DCC: variants seen among roughly 807,000 people sequenced by gnomAD.
The protein encoded by DCC is DCC netrin 1 receptor.
Under a neutral mutation model 172.5 loss-of-function variants are expected in DCC, and 58 were observed. The observed-to-expected ratio is 0.34, with a 90% CI of 0.27 to 0.42. The LOEUF (loss-of-function observed/expected upper bound fraction) is 0.42. Ranked by LOEUF, DCC falls within the 10% of genes least tolerant of loss-of-function variation. DCC has a pLI of 1.00. For synonymous variants in DCC, 709 were observed against 644.5 expected, an observed-to-expected ratio of 1.10 and a Z score of -1.52; for missense variants, 1,740 against 1,791.0, an observed-to-expected ratio of 0.97 and a Z score of 0.51.
chr18:52,799,614 CA>C (rs1191366872), intron 2 of DCC, among the ~76,000 whole-genome samples: 2 of 152,080 alleles, frequency 1.3e-5, no homozygotes, highest in African/African-American at 2.4e-5. Flanking sequence ...TTCCACTTTC[CA>C]AATACTTGTA....
chr18:52,924,928 G>A lies in DCC; in HGVS notation c.849-306G>A, dbSNP rs1405908707. Among the ~76,000 whole-genome samples, 4 of 151,990 alleles carry A rather than the reference G, an allele frequency of 2.6e-5. No individual in the cohort carries two copies. In the East Asian group the frequency reaches 7.7e-4, roughly 29 times the overall value. On this transcript the variant is annotated intron_variant, in intron 4 of 28. Transcript: ENST00000442544. ...TCAGAGTACCACTTCTCTAGACCTC[G>A]AGGTTCTCAAATCCAAAATGAGAGA...
At chr18:52,525,124 T>A (rs1219475230) in intron 1 of DCC, among the ~76,000 whole-genome samples, 1 of 152,108 alleles carries the variant, frequency 6.6e-6, no homozygotes, top group African/African-American at 2.4e-5. Context: ...AGGAGGCAAT[T>A]AATCAACATT....
intron 7 of DCC, among the ~76,000 whole-genome samples, chr18:53,110,055 C>A (rs2043307965): frequency 6.6e-6 from 1 of 151,510 alleles, no homozygotes; most frequent in Non-Finnish European, 1.5e-5. Context: ...GAATGAAAAC[C>A]ATTTTTTCTT....
intron 2 of DCC, among the ~76,000 whole-genome samples, chr18:52,844,337 C>CAGACAGAT (rs1555672366): frequency 1.1e-4 from 16 of 151,842 alleles, no homozygotes; most frequent in African/African-American, 2.9e-4. Context: ...GACAGACAGA[C>CAGACAGAT]AGATAGATAG....
intron 12 of DCC, among the ~76,000 whole-genome samples, chr18:53,242,503 A>T (rs1250617541): frequency 6.6e-6 from 1 of 152,222 alleles, no homozygotes; most frequent in African/African-American, 2.4e-5. Flanking sequence ...CAGTGACTAT[A>T]TATTAGATAC....
At chr18:52,840,174 A>G (rs2145315695) in intron 2 of DCC, among the ~76,000 whole-genome samples, 1 of 152,280 alleles carries the variant, frequency 6.6e-6, no homozygotes, top group Middle Eastern at 3.4e-3. Context: ...TATTGGTCAC[A>G]TTTCATTGCC....
At chr18:52,623,210 A>G (rs2034512642) in intron 1 of DCC, among the ~76,000 whole-genome samples, 2 of 152,246 alleles carry the variant, frequency 1.3e-5, no homozygotes, top group Non-Finnish European at 2.9e-5. Context: ...GTTGGACATG[A>G]GGAAGAAATA....
chr18:52,972,477 G>A (rs1004146923), intron 5 of DCC, among the ~76,000 whole-genome samples: 1 of 148,062 alleles, frequency 6.8e-6, no homozygotes, highest in African/African-American at 2.5e-5. Flanking sequence ...ATATTTTTAT[G>A]TTAAGGGAAA....
chr18:53,305,729 C>T lies in DCC; in HGVS notation c.2053+10C>T. 1 of 1,613,504 alleles carries T rather than the reference C, an allele frequency of 6.2e-7. No homozygotes were observed. Among genetic ancestry groups the T allele is most frequent in the Non-Finnish European group, 8.5e-7 (1 of 1,179,492 alleles). On this transcript the variant is annotated intron_variant, in intron 13 of 28. Coordinates refer to ENST00000442544, the MANE Select transcript of DCC (RefSeq NM_005215.4). The stretch of plus-strand genomic sequence containing the variant: ...TGGTACCTATTCACAGGTCAGTGTT[C>T]ACATGGTGTAGTCTTGCAAGGTTTT...
chr18:52,667,173 G>A (rs2035471318), intron 1 of DCC, among the ~76,000 whole-genome samples: 1 of 152,254 alleles, frequency 6.6e-6, no homozygotes, highest in African/African-American at 2.4e-5. Context: ...AGGAAGATTT[G>A]AGAAAGCTCA....
At chr18:52,680,283 C>T (rs1422885170) in intron 1 of DCC, among the ~76,000 whole-genome samples, 2 of 152,034 alleles carry the variant, frequency 1.3e-5, no homozygotes, top group Non-Finnish European at 2.9e-5. Context: ...ACCAACTAGA[C>T]CTGGGGGAAT....
intron 1 of DCC, chr18:52,419,562 C>G (rs912184878): frequency 6.6e-6 from 1 of 152,030 alleles, no homozygotes; most frequent in Admixed American, 6.6e-5. Context: ...GAAACTATAA[C>G]GTTAAAGAAG....
intron 18 of DCC, among the ~76,000 whole-genome samples, chr18:53,402,049 A>G (rs2145035260): frequency 6.6e-6 from 1 of 152,260 alleles, no homozygotes; most frequent in South Asian, 2.1e-4. Flanking sequence ...GATGCCTAAT[A>G]TGTCACCTAG....
chr18:52,585,216 G>C (rs1372740092), intron 1 of DCC, among the ~76,000 whole-genome samples: 1 of 152,162 alleles, frequency 6.6e-6, no homozygotes, highest in Non-Finnish European at 1.5e-5. Flanking sequence ...GTTTTCTTTG[G>C]GAAGACAGTC....
chr18:52,919,439 T>C (rs1489169547), intron 3 of DCC, among the ~76,000 whole-genome samples: 1 of 152,220 alleles, frequency 6.6e-6, no homozygotes, highest in Admixed American at 6.5e-5. Flanking sequence ...TCAAATGATA[T>C]AAAGAAATAC....
chr18:52,737,000 T>C (rs2036740287), intron 1 of DCC, among the ~76,000 whole-genome samples: 1 of 152,198 alleles, frequency 6.6e-6, no homozygotes, highest in African/African-American at 2.4e-5. Flanking sequence ...AATTTAGTTC[T>C]GAGTATTTCA....
intron 7 of DCC, among the ~76,000 whole-genome samples, chr18:53,079,476 A>C (rs1226955732): frequency 6.6e-6 from 1 of 152,116 alleles, no homozygotes; most frequent in African/African-American, 2.4e-5. Flanking sequence ...CAACACTAAA[A>C]CCTCATACTA....
Position 52,998,059 on chromosome 18 carries a change from C to T in DCC, c.986-65246C>T, listed in dbSNP as rs189367828. On this transcript the variant is annotated intron_variant, in intron 5 of 28. Transcript: ENST00000442544. Reference sequence around the variant, plus strand: ...TCCATCAGACCTGTGCTGTCCAATGCAGTAGCCGTTATCTGCACATGGCAA... The same window carrying T: ...TCCATCAGACCTGTGCTGTCCAATGTAGTAGCCGTTATCTGCACATGGCAA... Among the ~76,000 whole-genome samples the T allele has an allele frequency of 1.6e-3, 238 of 152,086 alleles. 1 individual carries two copies. Among genetic ancestry groups the T allele is most frequent in the African/African-American group, 5.4e-3 (223 of 41,524 alleles).
intron 27 of DCC, among the ~76,000 whole-genome samples, chr18:53,500,657 C>T (rs2046085764): frequency 6.6e-6 from 1 of 151,702 alleles, no homozygotes; most frequent in Non-Finnish European, 1.5e-5. Flanking sequence ...TCAACATTCA[C>T]ATGATGTGCA....
Sources: allele counts gnomAD v4.1 joint callset (sites outside exome capture counted in the v4.1 genomes callset), GRCh38; gene constraint gnomAD v4.1.1; transcripts MANE v1.5; gene names NCBI Gene and HGNC (gene_info 2026-07-23, HGNC 2026-07-21).